Variants in OTULINL observed in about 807,000 individuals in gnomAD.
The protein encoded by OTULINL is OTU deubiquitinase with linear linkage specificity like.
OTULINL carries 42 observed loss-of-function variants against 43.9 expected under a neutral mutation model. The observed-to-expected ratio is 0.96, with a 90% CI of 0.75 to 1.24. OTULINL has a LOEUF of 1.24. OTULINL is among the 50% of genes most tolerant of loss of function. OTULINL has a pLI of 0.00. For synonymous variants in OTULINL, 172 were observed against 153.6 expected (o/e 1.12, Z -0.88); for missense variants, 411 against 426.4 (o/e 0.96, Z 0.32).
At position 14,581,919 on chromosome 5, in the gene OTULINL, CG is replaced by C; in HGVS notation, c.28del (p.Ala10GlnfsTer22). 7.1e-7 allele frequency: 1 copy of C among 1,408,614 alleles called. No individual in the cohort carries two copies. Among genetic ancestry groups the C allele is most frequent in the Non-Finnish European group, 9.2e-7 (1 of 1,081,240 alleles). The allele number at this position is 1,408,614 out of a possible 1,614,324, so 87.3% of individuals were successfully genotyped here. On this transcript the variant is annotated frameshift_variant, in exon 1 of 8. Coordinates refer to ENST00000274217, the MANE Select transcript of OTULINL (RefSeq NM_019018.3). LOFTEE classifies it high-confidence loss of function. MAATRSPTRARERERSGAP... is the reference protein window; with the variant it reads MAATRSPTXARERERSGAP... ...CATGGCGGCGACAAGGAGCCCCACG[CG>C]GGCAAGGGAGCGGGAGCGGTCTGGC... is the stretch of plus-strand genomic sequence containing the variant.
chr5:14,601,223 T>G lies in OTULINL; in HGVS notation c.235T>G (p.Tyr79Asp). The change falls in exon 3 of 8, where the codon TAT becomes GAT. Residue 79 changes from tyrosine (Y) to aspartate (D), a missense_variant. Transcript: ENST00000274217. The stretch of plus-strand genomic sequence containing the variant: ...CCTTTTATCTTTCAGGTGGATTGGA[T>G]ATCTGCAGAGAAAATTCAAAAGTAA... Reference protein sequence around the residue: ...SGHKLKWWIGYLQRKFKRNLS... With the variant: ...SGHKLKWWIGDLQRKFKRNLS... 3 of 1,612,852 alleles carry G rather than the reference T, an allele frequency of 1.9e-6. No individual in the cohort carries two copies. The highest frequency in any genetic ancestry group is 2.5e-6 in the Non-Finnish European group (3 of 1,179,350).
chr5:14,600,268 T>G (rs963738851), intron 1 of OTULINL, among the ~76,000 whole-genome samples: 1 of 152,228 alleles, frequency 6.6e-6, no homozygotes, highest in Non-Finnish European at 1.5e-5. Context: ...ATGTGTTTGC[T>G]TCCCCTTCTG....
chr5:14,606,630 A>G (rs970321263), intron 5 of OTULINL, among the ~76,000 whole-genome samples: 7 of 152,196 alleles, frequency 4.6e-5, no homozygotes, highest in Admixed American at 1.3e-4. Context: ...CCGGTTAAGT[A>G]ATCTCTCAGC....
intron 5 of OTULINL, among the ~76,000 whole-genome samples, chr5:14,604,600 T>C (rs1246329428): frequency 6.6e-6 from 1 of 152,184 alleles, no homozygotes; most frequent in Non-Finnish European, 1.5e-5. Context: ...TGACAATAAC[T>C]GCAACTGTAA....
In OTULINL at chr5:14,613,048, G is replaced by A. The variant is rs1268431596; in HGVS notation, c.*2734G>A. ...AGCGATTCTCCTGCCTCAGCCTCCC[G>A]AGTAGCCGGGATTACAGGTGCCCAC... is the stretch of plus-strand genomic sequence containing the variant. On this transcript the variant is annotated 3_prime_UTR_variant, in exon 8 of 8. Transcript: ENST00000274217. 2.6e-5 allele frequency among the ~76,000 whole-genome samples: 4 copies of A among 151,986 alleles called. No homozygotes were observed. Among genetic ancestry groups the A allele is most frequent in the South Asian group, 4.2e-4 (2 of 4,814 alleles).
Position 14,615,904 on chromosome 5 carries a change from C to T in OTULINL, c.*5590C>T, listed in dbSNP as rs1396486142. On this transcript the variant is annotated 3_prime_UTR_variant, in exon 8 of 8. Transcript: ENST00000274217. ...TTGAAACGACATGCTCTTCTTTGTA[C>T]TATACAGAAGGACACACCACAGATC... Among the ~76,000 whole-genome samples, 1 of 152,190 alleles carries T rather than the reference C, an allele frequency of 6.6e-6. No individual in the cohort carries two copies. The highest frequency in any genetic ancestry group is 2.1e-4 in the South Asian group (1 of 4,834).
In OTULINL at chr5:14,615,302, CTT is replaced by C. The variant is rs1265933987; in HGVS notation, c.*4989_*4990del. 6.6e-6 allele frequency among the ~76,000 whole-genome samples: 1 copy of C among 152,238 alleles called. No homozygotes were observed. Among genetic ancestry groups the C allele is most frequent in the Non-Finnish European group, 1.5e-5 (1 of 68,048 alleles). On this transcript the variant is annotated 3_prime_UTR_variant, in exon 8 of 8. Coordinates refer to ENST00000274217, the MANE Select transcript of OTULINL (RefSeq NM_019018.3). ...CCCAAAGACAGACTCTGGGAAACAA[CTT>C]GGGAACTGCTTCAAGTCCATGCCAG...
chr5:14,602,938 A>G (rs1212074466), intron 5 of OTULINL, among the ~76,000 whole-genome samples: 1 of 152,202 alleles, frequency 6.6e-6, no homozygotes, highest in Non-Finnish European at 1.5e-5. Flanking sequence ...TAATAAATGC[A>G]TAGTTTGTGA....
At chr5:14,602,448 G>GT (rs1214885027) in intron 5 of OTULINL, 116 bp downstream of exon 5, 5 of 973,736 alleles carry the variant, frequency 5.1e-6, no homozygotes, top group African/African-American at 1.6e-5. Flanking sequence ...AGATTTTTTT[G>GT]TTTTTTTGAG....
chr5:14,601,128 G>A lies in OTULINL; in HGVS notation c.224+4G>A, dbSNP rs774377708. 6.8e-6 allele frequency: 11 copies of A among 1,610,788 alleles called. No homozygotes were observed. The highest frequency in any genetic ancestry group is 9.3e-6 in the Non-Finnish European group (11 of 1,178,610). ...ATTCAGGGCACAAGCTGAAATGGTA[G>A]GTCACTGTATCATCCTTAAATTTCA... On this transcript the variant is annotated splice_donor_region_variant and intron_variant, in intron 2 of 7. Coordinates refer to ENST00000274217, the MANE Select transcript of OTULINL (RefSeq NM_019018.3).
chr5:14,610,048 T>C, intron 7 of OTULINL, 93 bp from the exon 8 acceptor site: 1 of 1,107,742 alleles, frequency 9.0e-7, no homozygotes, highest in East Asian at 2.4e-5. Flanking sequence ...GCAGATTATT[T>C]CATAAACTGC....
intron 5 of OTULINL, among the ~76,000 whole-genome samples, chr5:14,607,091 G>A (rs543559182): frequency 6.6e-6 from 1 of 152,064 alleles, no homozygotes; most frequent in Non-Finnish European, 1.5e-5. Context: ...TTAGCTGGGC[G>A]TGGTGGCTCA....
intron 1 of OTULINL, among the ~76,000 whole-genome samples, chr5:14,598,429 T>C (rs1759329528): frequency 6.6e-6 from 1 of 152,222 alleles, no homozygotes; most frequent in South Asian, 2.1e-4. Flanking sequence ...TGAGAGTCTG[T>C]GGTAGTGTCT....
chr5:14,583,608 T>C (rs1437121639), intron 1 of OTULINL, among the ~76,000 whole-genome samples: 1 of 152,098 alleles, frequency 6.6e-6, no homozygotes, highest in Non-Finnish European at 1.5e-5. Flanking sequence ...CAGGGAGAGA[T>C]TCTTTCCTCT....
chr5:14,594,802 T>C (rs1759258690), intron 1 of OTULINL, among the ~76,000 whole-genome samples: 2 of 152,056 alleles, frequency 1.3e-5, no homozygotes, highest in African/African-American at 4.8e-5. Context: ...CTCAGAAAAG[T>C]GTGAAGTTTC....
intron 7 of OTULINL, among the ~76,000 whole-genome samples, chr5:14,609,724 G>A (rs1359240640): frequency 1.3e-5 from 2 of 149,762 alleles, no homozygotes; most frequent in East Asian, 4.0e-4. Flanking sequence ...TCCGCCTTCC[G>A]GGTTCACGCC....
chr5:14,611,823 T>G lies in OTULINL; in HGVS notation c.*1509T>G, dbSNP rs1248808498. Reference sequence around the variant, plus strand: ...TCACAAATCCCTTTCTAAGAATGACTTACTTCACGAGATATTTAGCACTAT... The same window carrying G: ...TCACAAATCCCTTTCTAAGAATGACGTACTTCACGAGATATTTAGCACTAT... On this transcript the variant is annotated 3_prime_UTR_variant, in exon 8 of 8. Coordinates refer to ENST00000274217, the MANE Select transcript of OTULINL (RefSeq NM_019018.3). The G allele has an allele frequency of 1.3e-5, 2 of 152,222 alleles. No homozygotes were observed. The highest frequency in any genetic ancestry group is 6.5e-5 in the Admixed American group (1 of 15,282). The allele number at this position is 152,222 out of a possible 1,614,324, so 9.4% of individuals were successfully genotyped here.
chr5:14,595,067 T>C (rs368551244), intron 1 of OTULINL, among the ~76,000 whole-genome samples: 1 of 152,194 alleles, frequency 6.6e-6, no homozygotes, highest in African/African-American at 2.4e-5. Context: ...TTTCACTGTA[T>C]GTATATTTCT....
chr5:14,591,731 G>C (rs903387574), intron 1 of OTULINL, among the ~76,000 whole-genome samples: 2 of 152,164 alleles, frequency 1.3e-5, no homozygotes, highest in Non-Finnish European at 2.9e-5. Context: ...TGAGTCAGTA[G>C]CTTTTGGGTT....
Sources: gnomAD v4.1 joint callset for allele counts (sites outside exome capture counted in the v4.1 genomes callset) on GRCh38, gnomAD v4.1.1 for gene constraint, MANE v1.5 for transcripts, NCBI Gene and HGNC (gene_info 2026-07-23, HGNC 2026-07-21) for gene names.